MARF1: variants seen among roughly 807,000 people sequenced by gnomAD.
MARF1 encodes the protein limkain-b1.
In MARF1, 24 loss-of-function variants were observed where a neutral mutation model predicts 168.2. The observed-to-expected ratio is 0.14, with a 90% CI of 0.10 to 0.20. The LOEUF is 0.20. Ranked by LOEUF, MARF1 falls within the 10% of genes least tolerant of loss-of-function variation. The probability of loss-of-function intolerance (pLI) is 1.00; values close to 1 mark genes in which losing one functional copy is unlikely to be tolerated. For synonymous variants in MARF1, 868 were observed against 822.4 expected, an observed-to-expected ratio of 1.06 and a Z score of -0.95; for missense variants, 1,744 against 2,143.6, an observed-to-expected ratio of 0.81 and a Z score of 3.68.
At chr16:15,628,966 T>C (rs938255704) in intron 7 of MARF1, among the ~76,000 whole-genome samples, 3 of 152,174 alleles carry the variant, frequency 2.0e-5, no homozygotes, top group Admixed American at 6.5e-5. Flanking sequence ...AAACATTGTT[T>C]TGGTTTTTTT....
intron 17 of MARF1, 102 bp from the exon 18 acceptor site, chr16:15,611,836 CT>C: frequency 1.1e-6 from 1 of 921,134 alleles, no homozygotes; most frequent in Non-Finnish European, 1.7e-6. Flanking sequence ...GCATGACTCC[CT>C]TTATGTAGAA....
chr16:15,636,915 C>T (rs985664140), intron 2 of MARF1, among the ~76,000 whole-genome samples: 3 of 152,102 alleles, frequency 2.0e-5, no homozygotes, highest in Non-Finnish European at 4.4e-5. Context: ...ATATCATGAC[C>T]TAAAGCCATA....
At position 15,635,996 on chromosome 16, in the gene MARF1, G is replaced by A; in HGVS notation, c.491C>T (p.Ser164Leu). The A allele has an allele frequency of 6.2e-7, 1 of 1,614,198 alleles. No homozygotes were observed. Among genetic ancestry groups the A allele is most frequent in the Admixed American group, 1.7e-5 (1 of 60,034 alleles). ...AATGCCTGCCAAATTGTTCCTAGCT[G>A]AGGCATTCTGGAGTGAAGATGCAGA... The part of the protein sequence containing the change: ...FQSASSLQNA[S>L]ARNNLAGIAS... Residue 164 changes from serine to leucine, a missense_variant, in exon 3 of 27, where the codon TCA becomes TTA. Ser to Leu is a moderately radical substitution (Grantham distance 145). This residue lies in a region of MARF1 where 318 missense variants were observed against 336.6 expected (regional missense o/e 0.94). Transcript: ENST00000396368.
chr16:15,611,501 A>C, intron 18 of MARF1, 91 bp downstream of exon 18: 2 of 1,155,266 alleles, frequency 1.7e-6, no homozygotes, highest in Non-Finnish European at 2.4e-6. Context: ...AAGAATGCTT[A>C]ATAGAAATAC....
At chr16:15,604,723 A>G (rs1204029422) in intron 21 of MARF1, among the ~76,000 whole-genome samples, 1 of 152,174 alleles carries the variant, frequency 6.6e-6, no homozygotes, top group Non-Finnish European at 1.5e-5. Context: ...CAGACTGGCC[A>G]GCTGATGGCC....
chr16:15,608,303 G>T lies in MARF1; in HGVS notation c.4170C>A (p.Cys1390Ter). ...SSISALTQKL[C>*]HVVKVADIES... is the part of the protein sequence containing the mutation. ...AAAAAACATTTACCTTCACGACATG[G>T]CAGAGTTTCTGAGTTAAAGCCGAAA... The change falls in exon 21 of 27, where the codon TGC (cysteine) becomes TGA (stop). Residue 1390 changes from cysteine to a stop codon, truncating the protein, a stop_gained. Transcript: ENST00000396368. LOFTEE classifies it high-confidence loss of function. 1 of 1,551,366 alleles carries T rather than the reference G, an allele frequency of 6.4e-7. No homozygotes were observed. The highest frequency in any genetic ancestry group is 8.9e-7 in the Non-Finnish European group (1 of 1,124,910).
chr16:15,623,091 G>C lies in MARF1; in HGVS notation c.2303C>G (p.Ser768Cys), dbSNP rs771844766. ...ATTTGCAATGTTGAAAGCAAGCGGG[G>C]ATGCTCTGTTTAAAAGGTTTGGAGA... ...SMSPNLLNRASPLAFNIANSS... is the reference protein window; with the variant it reads ...SMSPNLLNRACPLAFNIANSS... The change falls in exon 11 of 27, where the codon TCC (serine) becomes TGC (cysteine). Residue 768 changes from serine (S) to cysteine (C), a missense_variant. Transcript: ENST00000396368. 6.2e-7 allele frequency: 1 copy of C among 1,606,946 alleles called. No homozygotes were observed. The highest frequency in any genetic ancestry group is 1.7e-5 in the Admixed American group (1 of 59,900).
chr16:15,608,301 T>C lies in MARF1; in HGVS notation c.4172A>G (p.His1391Arg), dbSNP rs944419291. ...AAAAAAAACATTTACCTTCACGACA[T>C]GGCAGAGTTTCTGAGTTAAAGCCGA... ...SISALTQKLCHVVKVADIESG... is the reference protein window; with the variant it reads ...SISALTQKLCRVVKVADIESG... The change falls in exon 21 of 27, where the codon CAT (histidine) becomes CGT (arginine). Residue 1391 changes from histidine to arginine, a missense_variant. Transcript: ENST00000396368. 2.9e-5 allele frequency: 38 copies of C among 1,297,416 alleles called. No individual in the cohort carries two copies. Among genetic ancestry groups the C allele is most frequent in the Non-Finnish European group, 4.1e-5 (37 of 903,200 alleles). The allele number at this position is 1,297,416 out of a possible 1,614,324, so 80.4% of individuals were successfully genotyped here.
At chr16:15,617,024 T>C (rs750898240) in intron 15 of MARF1, 28 bp downstream of exon 15, 4 of 1,598,158 alleles carry the variant, frequency 2.5e-6, no homozygotes, top group Non-Finnish European at 2.6e-6. Flanking sequence ...TAGGGCATTA[T>C]ATCGACAAAG....
chr16:15,620,654 A>G (rs907394902), intron 12 of MARF1, 123 bp from the exon 13 acceptor site: 1 of 622,772 alleles, frequency 1.6e-6, no homozygotes, highest in Non-Finnish European at 2.7e-6. Flanking sequence ...CTGGTATGTC[A>G]GAATGTATTT....
In MARF1 at chr16:15,643,134, A is replaced by C; in HGVS notation, c.-175T>G. ...AGCTCCCGCCGCCGCCGCCAAGCGC[A>C]CCCTTCACTTCCGCTTCCGCACCGC... is the stretch of plus-strand genomic sequence containing the variant. On this transcript the variant is annotated 5_prime_UTR_variant, in exon 1 of 27. Coordinates refer to ENST00000396368, the MANE Select transcript of MARF1 (RefSeq NM_014647.4). 4.7e-6 allele frequency: 1 copy of C among 213,384 alleles called. No homozygotes were observed. The highest frequency in any genetic ancestry group is 3.8e-5 in the South Asian group (1 of 26,226). 13.2% of individuals were successfully genotyped at this position (213,384 alleles called of 1,614,324 possible).
chr16:15,630,218 A>G (rs1368253418), intron 7 of MARF1, 114 bp downstream of exon 7: 2 of 853,290 alleles, frequency 2.3e-6, no homozygotes, highest in Non-Finnish European at 3.5e-6. Context: ...AATCTAACCC[A>G]CCTCTTACAA....
chr16:15,631,553 T>A, intron 5 of MARF1, 55 bp from the exon 6 acceptor site: 1 of 1,226,596 alleles, frequency 8.2e-7, no homozygotes, highest in South Asian at 1.3e-5. Flanking sequence ...AGAAAATTGC[T>A]ACACATTCTG....
In MARF1 at chr16:15,595,964, C is replaced by G. The variant is rs1032619050; in HGVS notation, c.*729G>C. ...TCCTTTTCCTTAACCTAACCCATATCAAACTGGAACACAGAAGGGAAGCTT... is the reference window on the plus strand; with the variant it reads ...TCCTTTTCCTTAACCTAACCCATATGAAACTGGAACACAGAAGGGAAGCTT... On this transcript the variant is annotated 3_prime_UTR_variant, in exon 27 of 27. Coordinates refer to ENST00000396368, the MANE Select transcript of MARF1 (RefSeq NM_014647.4). 1 of 152,514 alleles carries G rather than the reference C, an allele frequency of 6.6e-6. No individual in the cohort carries two copies. The highest frequency in any genetic ancestry group is 1.5e-5 in the Non-Finnish European group (1 of 68,046). 9.4% of individuals were successfully genotyped at this position (152,514 alleles called of 1,614,324 possible).
Position 15,634,873 on chromosome 16 carries a change from T to C in MARF1, c.890A>G (p.Asn297Ser), listed in dbSNP as rs1250507599. 6.2e-7 allele frequency: 1 copy of C among 1,614,070 alleles called. No homozygotes were observed. The highest frequency in any genetic ancestry group is 8.5e-7 in the Non-Finnish European group (1 of 1,179,964). The part of the protein sequence containing the change: ...AKVWPNIPPP[N>S]TQPAPLAVPL... ...GACAGCAAGAGGTGCAGGTTGAGTA[T>C]TTGGAGGTGGTATATTTGGCCAGAC... The change falls in exon 4 of 27, where the codon AAT becomes AGT. Residue 297 changes from asparagine (N) to serine (S), a missense_variant. Asn to Ser is a conservative substitution (Grantham distance 46, BLOSUM62 1). This residue lies in a region of MARF1 where 217 missense variants were observed against 372.4 expected (regional missense o/e 0.58). Transcript: ENST00000396368.
chr16:15,595,105 G>A lies in MARF1; in HGVS notation c.*1588C>T, dbSNP rs1219596036. Reference sequence around the variant, plus strand: ...ATTGCACATTTGCATTTCACTTCCTGTAACACTATGTCTGTAGAGGAAATG... The same window carrying A: ...ATTGCACATTTGCATTTCACTTCCTATAACACTATGTCTGTAGAGGAAATG... On this transcript the variant is annotated 3_prime_UTR_variant, in exon 27 of 27. Transcript: ENST00000396368. 6.6e-6 allele frequency: 1 copy of A among 152,582 alleles called. No individual in the cohort carries two copies. The highest frequency in any genetic ancestry group is 2.4e-5 in the African/African-American group (1 of 41,430). 9.5% of individuals were successfully genotyped at this position (152,582 alleles called of 1,614,324 possible).
intron 12 of MARF1, 137 bp downstream of exon 12, chr16:15,621,596 C>CT: frequency 1.2e-6 from 1 of 843,186 alleles, no homozygotes; most frequent in Non-Finnish European, 1.8e-6. Flanking sequence ...CTAACTGTAT[C>CT]AATCTAGAAT....
rs764719534 is a variant in MARF1, at chr16:15,604,338, G to T, written c.4243C>A (p.Leu1415Ile). ...QLINRKSLRSLTAQLLVLLMS... is the reference protein window; with the variant it reads ...QLINRKSLRSITAQLLVLLMS... ...AACAATACCAGCAACTGGGCAGTGA[G>T]AGATCGCAGAGACTTTCGGTTGATC... The change falls in exon 22 of 27, where the codon CTC becomes ATC. Residue 1415 changes from leucine to isoleucine, a missense_variant. Leu to Ile is a conservative substitution (Grantham distance 5). Transcript: ENST00000396368. The T allele has an allele frequency of 6.2e-7, 1 of 1,614,058 alleles. No individual in the cohort carries two copies. The highest frequency in any genetic ancestry group is 1.3e-5 in the African/African-American group (1 of 74,922).
chr16:15,618,630 G>A (rs2034237020), intron 13 of MARF1, among the ~76,000 whole-genome samples: 1 of 152,060 alleles, frequency 6.6e-6, no homozygotes, highest in South Asian at 2.1e-4. Context: ...CCTGGCCCTG[G>A]TGGCATTCCA....
Sources: gnomAD v4.1 joint callset for allele counts (sites outside exome capture counted in the v4.1 genomes callset) on GRCh38, gnomAD v4.1.1 for gene constraint, gnomAD v4.1.1 regional missense constraint, MANE v1.5 for transcripts, NCBI Gene and HGNC (gene_info 2026-07-23, HGNC 2026-07-21) for gene names.